CRB1: variants seen among roughly 807,000 people sequenced by gnomAD.
CRB1 encodes the protein crumbs cell polarity complex component 1.
Under a neutral mutation model 120.0 loss-of-function variants are expected in CRB1, and 83 were observed. The observed-to-expected ratio is 0.69, with a 90% CI of 0.58 to 0.83. The LOEUF (loss-of-function observed/expected upper bound fraction) is 0.83, where lower values mean the gene tolerates loss of function less well. Among genes scored for constraint, CRB1 ranks in the 40% least tolerant of loss-of-function variants. The pLI, the probability that CRB1 is intolerant of heterozygous loss-of-function variation, is 0.00. For synonymous variants in CRB1, 625 were observed against 612.5 expected (o/e 1.02, Z -0.30); for missense variants, 1,699 against 1,687.6 (o/e 1.01, Z -0.12).
intron 1 of CRB1, among the ~76,000 whole-genome samples, chr1:197,321,747 G>T (rs1658209290): frequency 2.0e-5 from 3 of 152,156 alleles, no homozygotes; most frequent in African/African-American, 7.2e-5. Flanking sequence ...GTGTTCAATT[G>T]TATCTTAACA....
the CRB1 span, among the ~76,000 whole-genome samples, chr1:197,216,990 C>A: frequency 6.6e-6 from 1 of 151,642 alleles, no homozygotes; most frequent in African/African-American, 2.4e-5. Flanking sequence ...ACTCATAAAT[C>A]TGATAAGGAT....
intron 5 of CRB1, among the ~76,000 whole-genome samples, chr1:197,362,814 C>G (rs781672638): frequency 1.3e-5 from 2 of 152,082 alleles, no homozygotes; most frequent in Non-Finnish European, 2.9e-5. Flanking sequence ...ATTGTTGGGT[C>G]ATGCTTTTTT....
the CRB1 span, among the ~76,000 whole-genome samples, chr1:197,214,471 A>G: frequency 6.6e-6 from 1 of 152,168 alleles, no homozygotes; most frequent in Non-Finnish European, 1.5e-5. Context: ...GGACTTGAGT[A>G]TGTGTGGATT....
At chr1:197,264,528 A>G (rs1357994815), upstream of CRB1, among the ~76,000 whole-genome samples, 1 of 152,082 alleles carries the variant, frequency 6.6e-6, no homozygotes, top group Non-Finnish European at 1.5e-5. Flanking sequence ...GTTCTATTTT[A>G]AGTTCTTTGA....
intron 11 of CRB1, among the ~76,000 whole-genome samples, chr1:197,465,788 C>A (rs1014318347): frequency 1.3e-5 from 2 of 152,070 alleles, no homozygotes; most frequent in Non-Finnish European, 2.9e-5. Context: ...CTGACAGTGA[C>A]AATAGAAATG....
At chr1:197,289,521 A>C (rs552355664) in intron 1 of CRB1, among the ~76,000 whole-genome samples, 69 of 151,622 alleles carry the variant, frequency 4.6e-4, no homozygotes, top group South Asian at 4.4e-3. Flanking sequence ...AGACTTTTTG[A>C]GCTTCTTGAA....
chr1:197,327,866 C>T (rs1658610840), intron 1 of CRB1, among the ~76,000 whole-genome samples: 1 of 152,002 alleles, frequency 6.6e-6, no homozygotes, highest in African/African-American at 2.4e-5. Flanking sequence ...ATTGGGATTC[C>T]TCATGACATT....
chr1:197,463,114 A>G (rs1487090122), intron 11 of CRB1, among the ~76,000 whole-genome samples: 2 of 152,124 alleles, frequency 1.3e-5, no homozygotes, highest in Non-Finnish European at 2.9e-5. Flanking sequence ...GATTTTCTTC[A>G]TTGTTTAGTT....
chr1:197,344,807 T>A (rs909226864), intron 3 of CRB1, among the ~76,000 whole-genome samples: 1 of 152,190 alleles, frequency 6.6e-6, no homozygotes, highest in African/African-American at 2.4e-5. Context: ...TATGTGTACA[T>A]AAGTTTGTAT....
At chr1:197,219,407 TA>T in the CRB1 span, among the ~76,000 whole-genome samples, 1 of 152,140 alleles carries the variant, frequency 6.6e-6, no homozygotes, top group Non-Finnish European at 1.5e-5. Context: ...ACTTGAAAAA[TA>T]GGGCTGATAG....
chr1:197,418,946 C>A (rs2759665), intron 5 of CRB1, among the ~76,000 whole-genome samples: 101,686 of 152,032 alleles, frequency 0.67, 34,428 homozygotes, highest in East Asian at 0.77. Flanking sequence ...TAAATAGTCT[C>A]TCTCAATGAC....
chr1:197,336,138 T>C (rs1297105535), intron 2 of CRB1, among the ~76,000 whole-genome samples: 8 of 152,214 alleles, frequency 5.3e-5, no homozygotes, highest in Non-Finnish European at 1.5e-5. Flanking sequence ...CTTTTAATGA[T>C]AATTCCTGTT....
At chr1:197,288,351 G>A (rs1217207060) in intron 1 of CRB1, among the ~76,000 whole-genome samples, 2 of 151,792 alleles carry the variant, frequency 1.3e-5, no homozygotes, top group African/African-American at 2.4e-5. Context: ...TGCTTCGGTA[G>A]TTACAAATAT....
chr1:197,471,577 T>C (rs1403361342), intron 11 of CRB1, among the ~76,000 whole-genome samples: 1 of 152,168 alleles, frequency 6.6e-6, no homozygotes, highest in Non-Finnish European at 1.5e-5. Flanking sequence ...TTCTTCACAT[T>C]CCTAAGCCTT....
chr1:197,272,982 A>G (rs1488213015), intron 1 of CRB1, among the ~76,000 whole-genome samples: 2 of 152,182 alleles, frequency 1.3e-5, no homozygotes, highest in African/African-American at 4.8e-5. Context: ...CAAATGTATG[A>G]GATAATCTCA....
the CRB1 span, among the ~76,000 whole-genome samples, chr1:197,235,417 A>G: frequency 1.3e-5 from 2 of 152,304 alleles, no homozygotes; most frequent in South Asian, 4.1e-4. Context: ...CAGAAGCTTG[A>G]AATATGTTAG....
At chr1:197,415,767 T>C (rs1663965519) in intron 5 of CRB1, among the ~76,000 whole-genome samples, 1 of 150,654 alleles carries the variant, frequency 6.6e-6, no homozygotes, top group South Asian at 2.1e-4. Context: ...CTCAGCCTCC[T>C]GAGTAGCTGG....
chr1:197,411,218 C>G (rs1009039093), intron 5 of CRB1, among the ~76,000 whole-genome samples: 1 of 152,112 alleles, frequency 6.6e-6, no homozygotes, highest in Non-Finnish European at 1.5e-5. Context: ...ATTTCGAGTT[C>G]AAATTGGGAG....
intron 3 of CRB1, 65 bp downstream of exon 3, chr1:197,344,541 CTG>C (rs1659661199): frequency 1.3e-6 from 2 of 1,486,220 alleles, no homozygotes; most frequent in African/African-American, 1.4e-5. Flanking sequence ...TTTTACCACT[CTG>C]TTGAATTTAG....
Sources: gnomAD v4.1 joint callset for allele counts (sites outside exome capture counted in the v4.1 genomes callset) on GRCh38, gnomAD v4.1.1 for gene constraint, MANE v1.5 for transcripts, NCBI Gene and HGNC (gene_info 2026-07-23, HGNC 2026-07-21) for gene names.